Variants in RAD54B observed in about 807,000 individuals in gnomAD.
RAD54B encodes the protein RAD54 homolog B.
In RAD54B, 78 loss-of-function variants were observed where a neutral mutation model predicts 95.8. The ratio of observed to expected loss-of-function variants is 0.81; its 90% CI spans 0.68 to 0.98. RAD54B has a LOEUF of 0.98. RAD54B is among the 50% of genes least tolerant of loss of function. The probability of loss-of-function intolerance (pLI) is 0.00; values close to 1 mark genes in which losing one functional copy is unlikely to be tolerated. For missense variants in RAD54B, 957 were observed against 1,056.6 expected, an observed-to-expected ratio of 0.91 and a Z score of 1.31; for synonymous variants, 328 against 354.9, an observed-to-expected ratio of 0.92 and a Z score of 0.85.
At chr8:94,402,241 T>G (rs887425079) in intron 6 of RAD54B, among the ~76,000 whole-genome samples, 9 of 149,980 alleles carry the variant, frequency 6.0e-5, no homozygotes, top group Admixed American at 2.0e-4. Context: ...AAGTTTAATG[T>G]GCTATTTTTC....
intron 3 of RAD54B, among the ~76,000 whole-genome samples, chr8:94,443,802 G>A (rs746200002): frequency 3.3e-5 from 5 of 151,742 alleles, no homozygotes; most frequent in Admixed American, 6.6e-5. Context: ...GTTTTTCCCA[G>A]GTGTATCCTT....
intron 3 of RAD54B, chr8:94,428,374 A>C (rs1211495652): frequency 1.0e-6 from 1 of 959,128 alleles, no homozygotes; most frequent in African/African-American, 1.8e-5. Context: ...CTCAGTATCC[A>C]AGGGGGATTG....
chr8:94,396,248 C>A (rs1180587194), intron 8 of RAD54B, among the ~76,000 whole-genome samples: 1 of 147,984 alleles, frequency 6.8e-6, no homozygotes, highest in Non-Finnish European at 1.5e-5. Flanking sequence ...CTAGGTAAAA[C>A]CTGTAGAAGA....
intron 3 of RAD54B, chr8:94,430,827 C>A: frequency 1.0e-6 from 1 of 985,460 alleles, no homozygotes; most frequent in Non-Finnish European, 1.2e-6. Flanking sequence ...CAGCAGCTAC[C>A]CTACCTAGTC....
chr8:94,377,756 C>G (rs1810625952), intron 14 of RAD54B, among the ~76,000 whole-genome samples: 16 of 150,512 alleles, frequency 1.1e-4, no homozygotes, highest in Admixed American at 1.1e-3. Context: ...GCGGGCGGAT[C>G]ACGAGGTCAG....
intron 11 of RAD54B, among the ~76,000 whole-genome samples, chr8:94,380,724 T>C (rs1307145804): frequency 6.6e-6 from 1 of 152,070 alleles, no homozygotes; most frequent in Non-Finnish European, 1.5e-5. Context: ...ACAAAAACCA[T>C]AGTGAAGCAG....
At chr8:94,419,613 G>A (rs1811754150) in intron 3 of RAD54B, among the ~76,000 whole-genome samples, 1 of 152,014 alleles carries the variant, frequency 6.6e-6, no homozygotes, top group Non-Finnish European at 1.5e-5. Flanking sequence ...AGTGTTGACT[G>A]TGCTGGAAGA....
At chr8:94,412,514 C>T (rs1811554078) in intron 3 of RAD54B, among the ~76,000 whole-genome samples, 2 of 152,022 alleles carry the variant, frequency 1.3e-5, no homozygotes, top group Non-Finnish European at 2.9e-5. Flanking sequence ...CTGCTTCTTA[C>T]ACCTAACTTG....
rs548575933 is a variant in RAD54B at position 94,389,283 on chromosome 8, TA to T, written c.1810-2125del. On this transcript the variant is annotated intron_variant, in intron 10 of 14. Coordinates refer to ENST00000336148, the MANE Select transcript of RAD54B (RefSeq NM_012415.3). Reference sequence around the variant, plus strand: ...CGGGCGATCTTAATGCACAAGTTCTTAACCAAGAACACGTATTAGAATCACT... The same window carrying T: ...CGGGCGATCTTAATGCACAAGTTCTTACCAAGAACACGTATTAGAATCACT... Among the ~76,000 whole-genome samples, 40 of 152,316 alleles carry T rather than the reference TA, an allele frequency of 2.6e-4. 1 individual carries two copies. The East Asian group carries it at 5.2e-3, about 20-fold the overall frequency.
In RAD54B at chr8:94,391,603, A is replaced by T. The variant is rs1811021953; in HGVS notation, c.1809+6T>A. On this transcript the variant is annotated splice_donor_region_variant and intron_variant, in intron 10 of 14. Transcript: ENST00000336148. ...CCTGACACAGTTTCAGATACTATGCACTTACCTTTATAGAGTTGAACAAAA... is the reference window on the plus strand; with the variant it reads ...CCTGACACAGTTTCAGATACTATGCTCTTACCTTTATAGAGTTGAACAAAA... 1 of 1,611,926 alleles carries T rather than the reference A, an allele frequency of 6.2e-7. No homozygotes were observed. Among genetic ancestry groups the T allele is most frequent in the African/African-American group, 1.3e-5 (1 of 74,588 alleles).
chr8:94,451,068 GA>G (rs1812645426), intron 3 of RAD54B, among the ~76,000 whole-genome samples: 1 of 152,106 alleles, frequency 6.6e-6, no homozygotes, highest in East Asian at 1.9e-4. Flanking sequence ...TTGACTGCTA[GA>G]AGAGCTAAAA....
chr8:94,436,887 T>C (rs1462139181), intron 3 of RAD54B: 49 of 1,492,500 alleles, frequency 3.3e-5, no homozygotes, highest in Admixed American at 2.0e-4. Context: ...TCAAATTAAG[T>C]AGGCAGTTTC....
At chr8:94,431,491 C>A in intron 3 of RAD54B, 8 of 981,602 alleles carry the variant, frequency 8.1e-6, no homozygotes, top group Non-Finnish European at 9.7e-6. Context: ...TTACTTCTAT[C>A]GAATAGCGGG....
In RAD54B at chr8:94,441,763, C is replaced by T. The variant is rs536259782; in HGVS notation, c.304+16505G>A. Among the ~76,000 whole-genome samples the T allele has an allele frequency of 6.6e-5, 10 of 152,302 alleles. No individual in the cohort carries two copies. In the South Asian group the frequency reaches 1.7e-3, roughly 25 times the overall value. ...AATGGTGCCTTGGTCTTTCACGTAA[C>T]CAACTCACATCCTGAAACTACCTAG... is the stretch of plus-strand genomic sequence containing the variant. On this transcript the variant is annotated intron_variant, in intron 3 of 14. Coordinates refer to ENST00000336148, the MANE Select transcript of RAD54B (RefSeq NM_012415.3).
Position 94,380,329 on chromosome 8 carries a change from G to A in RAD54B, c.2063C>T (p.Thr688Ile), listed in dbSNP as rs114429430. 2.1e-5 allele frequency: 34 copies of A among 1,614,018 alleles called. No homozygotes were observed. The highest frequency in any genetic ancestry group is 3.3e-4 in the Middle Eastern group (2 of 6,060). Reference protein sequence around the residue: ...EVCKRHGYAYTRLDGQTPISQ... With the variant: ...EVCKRHGYAYIRLDGQTPISQ... ...GATTGGTGTTTGTCCATCAAGTCTTGTATAAGCATATCCATGACGCTTACA... is the reference window on the plus strand; with the variant it reads ...GATTGGTGTTTGTCCATCAAGTCTTATATAAGCATATCCATGACGCTTACA... Residue 688 changes from threonine to isoleucine, a missense_variant, in exon 12 of 15, where the codon ACA (threonine) becomes ATA (isoleucine). Thr to Ile is a moderately conservative substitution (Grantham distance 89). Coordinates refer to ENST00000336148, the MANE Select transcript of RAD54B (RefSeq NM_012415.3).
chr8:94,444,653 CT>C (rs1436984898), intron 3 of RAD54B, among the ~76,000 whole-genome samples: 3 of 152,182 alleles, frequency 2.0e-5, no homozygotes, highest in African/African-American at 7.2e-5. Flanking sequence ...CCACTCAGCC[CT>C]GGAATACCCA....
At chr8:94,458,236 G>A in intron 3 of RAD54B, 32 bp downstream of exon 3, 2 of 1,542,688 alleles carry the variant, frequency 1.3e-6, no homozygotes, top group Non-Finnish European at 1.7e-6. Context: ...TATTGGTCAA[G>A]CATAAACCTT....
intron 11 of RAD54B, among the ~76,000 whole-genome samples, chr8:94,381,592 T>C (rs1810742430): frequency 2.6e-5 from 4 of 152,192 alleles, no homozygotes; most frequent in Admixed American, 2.6e-4. Flanking sequence ...TGGAAGAGGA[T>C]GCAATTTTTC....
At chr8:94,467,268 C>T (rs1813049759) in intron 2 of RAD54B, 137 bp downstream of exon 2, 2 of 771,308 alleles carry the variant, frequency 2.6e-6, no homozygotes, top group African/African-American at 1.8e-5. Context: ...TCTTCATTTC[C>T]AAGGTTTTTA....
Sources: allele counts gnomAD v4.1 joint callset (sites outside exome capture counted in the v4.1 genomes callset), GRCh38; gene constraint gnomAD v4.1.1; transcripts MANE v1.5; gene names NCBI Gene and HGNC (gene_info 2026-07-23, HGNC 2026-07-21).